UVRAG: variants seen among roughly 807,000 people sequenced by gnomAD.
UVRAG encodes UV radiation resistance-associated gene protein.
In UVRAG, 19 loss-of-function variants were observed where a neutral mutation model predicts 78.0. The observed-to-expected ratio is 0.24, with a 90% CI of 0.17 to 0.36. UVRAG has a LOEUF of 0.36. UVRAG is among the 10% of genes least tolerant of loss of function. The probability of loss-of-function intolerance (pLI) is 1.00; values close to 1 mark genes in which losing one functional copy is unlikely to be tolerated. For missense variants in UVRAG, 740 were observed against 853.8 expected (o/e 0.87, Z 1.66); for synonymous variants, 323 against 324.6 (o/e 1.00, Z 0.05).
chr11:76,097,814 T>C (rs1490288277), intron 13 of UVRAG, among the ~76,000 whole-genome samples: 2 of 152,174 alleles, frequency 1.3e-5, no homozygotes, highest in African/African-American at 2.4e-5. Context: ...TTGAAGTGTA[T>C]ATATTCATTC....
At chr11:75,827,792 C>T (rs1945548875) in intron 1 of UVRAG, among the ~76,000 whole-genome samples, 1 of 152,170 alleles carries the variant, frequency 6.6e-6, no homozygotes, top group Admixed American at 6.5e-5. Context: ...TGAACTATTT[C>T]CTTCCTTAAT....
chr11:76,085,607 C>T lies in UVRAG; in HGVS notation c.1305+19819C>T, dbSNP rs111991942. On this transcript the variant is annotated intron_variant, in intron 13 of 14. Coordinates refer to ENST00000356136, the MANE Select transcript of UVRAG (RefSeq NM_003369.4). The stretch of plus-strand genomic sequence containing the variant: ...CTTTGTTACATACTGGCACTTTAGC[C>T]TTGGAGTTTAGGCAAATATAAAAAG... Among the ~76,000 whole-genome samples, 264 of 152,254 alleles carry T rather than the reference C, an allele frequency of 1.7e-3. 1 individual carries two copies. Among genetic ancestry groups the T allele is most frequent in the African/African-American group, 6.1e-3 (253 of 41,550 alleles).
intron 1 of UVRAG, among the ~76,000 whole-genome samples, chr11:75,843,957 TAAA>T (rs557175299): frequency 1.4e-4 from 16 of 114,970 alleles, no homozygotes; most frequent in Admixed American, 1.9e-4. Flanking sequence ...AGACGCCATC[TAAA>T]AAAAAAAAAA....
chr11:75,944,291 T>C (rs1482002319), intron 6 of UVRAG, among the ~76,000 whole-genome samples: 1 of 152,162 alleles, frequency 6.6e-6, no homozygotes, highest in Admixed American at 6.6e-5. Context: ...TATCTTAGAC[T>C]AATGTATCCA....
intron 1 of UVRAG, among the ~76,000 whole-genome samples, chr11:75,828,754 C>CATAT (rs776673600): frequency 1.4e-3 from 113 of 78,366 alleles, no homozygotes; most frequent in East Asian, 3.7e-3. Context: ...TATACACACA[C>CATAT]ATATATATAT....
chr11:76,120,887 T>TA (rs113661203), intron 14 of UVRAG, among the ~76,000 whole-genome samples: 4 of 152,072 alleles, frequency 2.6e-5, no homozygotes, highest in African/African-American at 9.7e-5. Flanking sequence ...GGGCAAAGGG[T>TA]AAAAAAACTC....
At chr11:76,032,349 A>G (rs905285908) in intron 12 of UVRAG, among the ~76,000 whole-genome samples, 1 of 152,192 alleles carries the variant, frequency 6.6e-6, no homozygotes, top group Non-Finnish European at 1.5e-5. Flanking sequence ...ATGATCACCA[A>G]AAGTAGTTTC....
chr11:75,859,945 TTTTA>T (rs908034364), intron 2 of UVRAG, among the ~76,000 whole-genome samples: 3 of 152,028 alleles, frequency 2.0e-5, no homozygotes, highest in Non-Finnish European at 4.4e-5. Context: ...GGTAACAAAG[TTTTA>T]TTTATTTATT....
chr11:75,827,471 C>T (rs1945540381), intron 1 of UVRAG, among the ~76,000 whole-genome samples: 1 of 151,926 alleles, frequency 6.6e-6, no homozygotes, highest in Non-Finnish European at 1.5e-5. Context: ...ATTAGCTGGG[C>T]GTGGTGGCGG....
intron 6 of UVRAG, chr11:75,916,756 C>G (rs1487835674): frequency 6.6e-6 from 1 of 152,194 alleles, no homozygotes; most frequent in Non-Finnish European, 1.5e-5. Context: ...AGGCAGAGGT[C>G]TAGGAAATGG....
chr11:75,968,372 A>C (rs1304689370), intron 7 of UVRAG, among the ~76,000 whole-genome samples: 1 of 152,224 alleles, frequency 6.6e-6, no homozygotes, highest in Non-Finnish European at 1.5e-5. Context: ...TAGAACACTG[A>C]AACTCATTAG....
At chr11:76,051,504 A>C (rs769825164) in intron 12 of UVRAG, among the ~76,000 whole-genome samples, 1 of 152,216 alleles carries the variant, frequency 6.6e-6, no homozygotes, top group Non-Finnish European at 1.5e-5. Flanking sequence ...GAAGGTTTCT[A>C]TAAGGAAATT....
At chr11:76,112,330 C>T (rs1952089135) in intron 13 of UVRAG, among the ~76,000 whole-genome samples, 1 of 152,086 alleles carries the variant, frequency 6.6e-6, no homozygotes, top group African/African-American at 2.4e-5. Context: ...GCCATGAGTT[C>T]TATACCTAGG....
chr11:76,056,579 T>C (rs940363040), intron 12 of UVRAG, among the ~76,000 whole-genome samples: 1 of 152,214 alleles, frequency 6.6e-6, no homozygotes, highest in African/African-American at 2.4e-5. Context: ...AAGTTAAACT[T>C]ACTCTGCAGA....
At chr11:76,061,670 AC>A (rs1188425471) in intron 12 of UVRAG, among the ~76,000 whole-genome samples, 3 of 151,722 alleles carry the variant, frequency 2.0e-5, no homozygotes, top group African/African-American at 7.3e-5. Context: ...GAGACCACGA[AC>A]CCCACCAGAA....
chr11:75,877,613 C>T (rs1301698266), intron 3 of UVRAG, among the ~76,000 whole-genome samples: 2 of 137,630 alleles, frequency 1.5e-5, no homozygotes, highest in East Asian at 2.3e-4. Context: ...GGGGGGCTGA[C>T]CCCCCCACCT....
intron 12 of UVRAG, among the ~76,000 whole-genome samples, chr11:76,045,711 A>G (rs976269765): frequency 6.6e-6 from 1 of 151,742 alleles, no homozygotes; most frequent in Admixed American, 6.6e-5. Context: ...AAAAAAAAAA[A>G]AAAAGCCGGA....
At chr11:76,097,367 G>A (rs2134438279) in intron 13 of UVRAG, among the ~76,000 whole-genome samples, 1 of 152,128 alleles carries the variant, frequency 6.6e-6, no homozygotes, top group South Asian at 2.1e-4. Flanking sequence ...TCGTGCTTCT[G>A]GGGATTTGCA....
chr11:76,087,416 G>A (rs1301148126), intron 13 of UVRAG, among the ~76,000 whole-genome samples: 1 of 152,166 alleles, frequency 6.6e-6, no homozygotes, highest in Non-Finnish European at 1.5e-5. Flanking sequence ...TGTCCTCAGT[G>A]AATACTTATT....
Sources: allele counts gnomAD v4.1 joint callset (sites outside exome capture counted in the v4.1 genomes callset), GRCh38; gene constraint gnomAD v4.1.1; transcripts MANE v1.5; gene names NCBI Gene and HGNC (gene_info 2026-07-23, HGNC 2026-07-21).